Variants in ARSB observed in about 807,000 individuals in gnomAD.
ARSB encodes arylsulfatase B.
In ARSB, 41 loss-of-function variants were observed where a neutral mutation model predicts 50.9. The observed-to-expected ratio is 0.81, with a 90% CI of 0.63 to 1.04. ARSB has a LOEUF of 1.04. Ranked by LOEUF, ARSB falls within the 50% of genes least tolerant of loss-of-function variation. ARSB has a pLI of 0.00. For missense variants in ARSB, 672 were observed against 693.3 expected, an observed-to-expected ratio of 0.97 and a Z score of 0.35; for synonymous variants, 269 against 284.8, an observed-to-expected ratio of 0.94 and a Z score of 0.56.
At chr5:78,957,495 G>T (rs1050127957) in intron 3 of ARSB, among the ~76,000 whole-genome samples, 5 of 152,192 alleles carry the variant, frequency 3.3e-5, no homozygotes, top group African/African-American at 1.2e-4. Context: ...CAAAGTCGTT[G>T]CTTTAAAACC....
chr5:78,966,675 A>C (rs1272158465), intron 2 of ARSB, among the ~76,000 whole-genome samples: 1 of 152,188 alleles, frequency 6.6e-6, no homozygotes, highest in South Asian at 2.1e-4. Context: ...AAAGGATATC[A>C]TTTCTACCTT....
At position 78,780,620 on chromosome 5, in the gene ARSB, G is replaced by C. The variant is rs1446682912; in HGVS notation, c.1379C>G (p.Ser460Cys). The C allele has an allele frequency of 6.2e-7, 1 of 1,614,020 alleles. No homozygotes were observed. The highest frequency in any genetic ancestry group is 8.5e-7 in the Non-Finnish European group (1 of 1,180,022). Residue 460 changes from serine (S) to cysteine (C), a missense_variant, in exon 8 of 8, where the codon TCT (serine) becomes TGT (cysteine). Ser to Cys is a moderately radical substitution (Grantham distance 112). Transcript: ENST00000264914. ...TGGTGGGTCTGATGAGGGTATCTCAGAAACATTGTATTGAGACGGTGGAGG... is the reference window on the plus strand; with the variant it reads ...TGGTGGGTCTGATGAGGGTATCTCACAAACATTGTATTGAGACGGTGGAGG... Reference protein sequence around the residue: ...WFPPPSQYNVSEIPSSDPPTK... With the variant: ...WFPPPSQYNVCEIPSSDPPTK...
rs371791535 is a variant in ARSB, at chr5:78,893,328, C to T, written c.899-7501G>A. Among the ~76,000 whole-genome samples, 20 of 152,080 alleles carry T rather than the reference C, an allele frequency of 1.3e-4. No individual in the cohort carries two copies. In the East Asian group the frequency reaches 1.5e-3, roughly 12 times the overall value. ...AGCAGTGTGAAAATGGACTAATACA[C>T]GGATGTAGCCACCAAAAGATGTGGA... is the stretch of plus-strand genomic sequence containing the variant. On this transcript the variant is annotated intron_variant, in intron 4 of 7. Transcript: ENST00000264914.
At chr5:78,869,850 C>T (rs1424697250) in intron 5 of ARSB, among the ~76,000 whole-genome samples, 50 of 148,860 alleles carry the variant, frequency 3.4e-4, no homozygotes, top group South Asian at 1.7e-3. Flanking sequence ...ACAAAAAACC[C>T]TTCAAAAAAT....
chr5:78,972,472 C>T (rs895847960), intron 1 of ARSB, among the ~76,000 whole-genome samples: 10 of 150,530 alleles, frequency 6.6e-5, no homozygotes, highest in African/African-American at 2.0e-4. Context: ...AATATCCAGG[C>T]TGGGAAAGGG....
chr5:78,900,374 G>A (rs983365649), intron 4 of ARSB, among the ~76,000 whole-genome samples: 1 of 152,156 alleles, frequency 6.6e-6, no homozygotes, highest in Non-Finnish European at 1.5e-5. Flanking sequence ...CATGAGTTAA[G>A]GCAGGGACAG....
intron 7 of ARSB, among the ~76,000 whole-genome samples, chr5:78,781,389 C>T (rs1748922711): frequency 1.6e-5 from 2 of 124,212 alleles, no homozygotes; most frequent in African/African-American, 3.0e-5. Context: ...CCTATCTCCT[C>T]ATTCAGCAGC....
intron 4 of ARSB, among the ~76,000 whole-genome samples, chr5:78,954,990 A>T (rs992170990): frequency 5.9e-5 from 9 of 152,000 alleles, no homozygotes; most frequent in Admixed American, 5.9e-4. Flanking sequence ...GGAACAAGCC[A>T]CTCTAGGGAT....
chr5:78,800,245 G>T lies in ARSB; in HGVS notation c.1214-18271C>A, dbSNP rs149529535. On this transcript the variant is annotated intron_variant, in intron 6 of 7. Coordinates refer to ENST00000264914, the MANE Select transcript of ARSB (RefSeq NM_000046.5). ...AGGTGAGAAGATTGCTTGAACCCAG[G>T]AGGCAGAGGTTGCAGTAAACCAAGA... Among the ~76,000 whole-genome samples the T allele has an allele frequency of 9.3e-3, 1,409 of 151,726 alleles. 26 individuals carry two copies. The highest frequency in any genetic ancestry group is 0.032 in the African/African-American group (1,339 of 41,316).
At chr5:78,837,514 A>C (rs1745004062) in intron 6 of ARSB, among the ~76,000 whole-genome samples, 3 of 152,138 alleles carry the variant, frequency 2.0e-5, no homozygotes, top group Non-Finnish European at 4.4e-5. Flanking sequence ...CACCTTCTAG[A>C]AGGGGTTTTT....
intron 6 of ARSB, among the ~76,000 whole-genome samples, chr5:78,795,621 A>C (rs1271976313): frequency 1.3e-5 from 2 of 152,208 alleles, no homozygotes; most frequent in African/African-American, 4.8e-5. Context: ...ACTTACTTAG[A>C]ATCCTGTCTG....
chr5:78,786,392 A>C lies in ARSB; in HGVS notation c.1214-4418T>G, dbSNP rs138876061. On this transcript the variant is annotated intron_variant, in intron 6 of 7. Coordinates refer to ENST00000264914, the MANE Select transcript of ARSB (RefSeq NM_000046.5). ...CTGTATATTGCCAAAAATATACCAC[A>C]TTTTCTTTATTCATCAATTAATGGA... Among the ~76,000 whole-genome samples the C allele has an allele frequency of 7.2e-5, 11 of 152,248 alleles. No individual in the cohort carries two copies. In the East Asian group the frequency reaches 1.2e-3, roughly 16 times the overall value.
chr5:78,942,973 G>A (rs1318561593), intron 4 of ARSB, among the ~76,000 whole-genome samples: 4 of 152,154 alleles, frequency 2.6e-5, no homozygotes, highest in Admixed American at 6.5e-5. Context: ...CCTGTATTGG[G>A]TGCATATATA....
At chr5:78,816,198 G>C in intron 6 of ARSB, 1 of 1,611,884 alleles carries the variant, frequency 6.2e-7, no homozygotes, top group Non-Finnish European at 8.5e-7. Flanking sequence ...TCTAGTCCAG[G>C]AGATTTCTTA....
chr5:78,942,198 G>T (rs550613949), intron 4 of ARSB, among the ~76,000 whole-genome samples: 22 of 148,730 alleles, frequency 1.5e-4, no homozygotes, highest in South Asian at 2.2e-4. Flanking sequence ...TCTTGCTAGC[G>T]GTCTATCAAT....
At chr5:78,867,099 G>C (rs552792811) in intron 5 of ARSB, among the ~76,000 whole-genome samples, 5 of 152,120 alleles carry the variant, frequency 3.3e-5, no homozygotes, top group Non-Finnish European at 5.9e-5. Context: ...CGAATATTGC[G>C]CTTTTCAGAC....
chr5:78,922,656 T>G (rs940367788), intron 4 of ARSB, among the ~76,000 whole-genome samples: 2 of 150,772 alleles, frequency 1.3e-5, no homozygotes, highest in African/African-American at 2.4e-5. Flanking sequence ...GGATGTCTTC[T>G]GCTTGAGAAA....
chr5:78,880,870 C>A lies in ARSB; in HGVS notation c.1142+4714G>T, dbSNP rs558717086. On this transcript the variant is annotated intron_variant, in intron 5 of 7. Transcript: ENST00000264914. ...TAAAGAGGCCTACAATCTTAAAAAA[C>A]TGCAAAAAACATTACTCCTCTGATT... 4.8e-3 allele frequency among the ~76,000 whole-genome samples: 725 copies of A among 152,210 alleles called. 1 individual carries two copies. Among genetic ancestry groups the A allele is most frequent in the Non-Finnish European group, 8.4e-3 (570 of 67,998 alleles).
chr5:78,832,192 C>G (rs979651319), intron 6 of ARSB, among the ~76,000 whole-genome samples: 1 of 152,048 alleles, frequency 6.6e-6, no homozygotes, highest in African/African-American at 2.4e-5. Context: ...GAGGGCTTCA[C>G]GGAGGAGTAG....
Sources: gnomAD v4.1 joint callset for allele counts (sites outside exome capture counted in the v4.1 genomes callset) on GRCh38, gnomAD v4.1.1 for gene constraint, MANE v1.5 for transcripts, NCBI Gene and HGNC (gene_info 2026-07-23, HGNC 2026-07-21) for gene names.